The following NEMP2 variants were observed in gnomAD, a reference collection of about 807,000 sequenced individuals.
NEMP2 encodes the protein UPF0571 transmembrane protein.
In NEMP2, 53 loss-of-function variants were observed where a neutral mutation model predicts 54.2. The ratio of observed to expected loss-of-function variants is 0.98; its 90% CI spans 0.78 to 1.23. NEMP2 has a LOEUF of 1.23. NEMP2 is among the 50% of genes most tolerant of loss of function. NEMP2 has a pLI of 0.00. For synonymous variants in NEMP2, 197 were observed against 190.3 expected (o/e 1.04, Z -0.29); for missense variants, 455 against 511.3 (o/e 0.89, Z 1.06).
chr2:190,490,231 G>A, the NEMP2 span, among the ~76,000 whole-genome samples: 2 of 151,328 alleles, frequency 1.3e-5, no homozygotes, highest in African/African-American at 4.9e-5. The surrounding 1 kb of genome is among the most constrained non-coding windows in gnomAD (Gnocchi z 4.5). Flanking sequence ...GGGAGTGAGT[G>A]GTAATCTTCT....
chr2:190,437,487 A>G, the NEMP2 span: 1 of 1,614,216 alleles, frequency 6.2e-7, no homozygotes, highest in South Asian at 1.1e-5. This position sits in a 1 kb window ranked among gnomAD's most constrained non-coding sequence, Gnocchi z 5.9. Flanking sequence ...GGGTCTGTTC[A>G]GTCCTGAGTC....
At chr2:190,452,120 T>G in the NEMP2 span, among the ~76,000 whole-genome samples, 1 of 151,762 alleles carries the variant, frequency 6.6e-6, no homozygotes. Flanking sequence ...AATAGGTAAA[T>G]AATCTAGATG....
the NEMP2 span, among the ~76,000 whole-genome samples, chr2:190,605,339 G>A: frequency 4.3e-3 from 605 of 141,976 alleles, 7 homozygotes; most frequent in African/African-American, 0.015. Flanking sequence ...AATCTACCAC[G>A]TCTTTTTTTA....
At chr2:190,623,231 G>T in the NEMP2 span, among the ~76,000 whole-genome samples, 2 of 151,994 alleles carry the variant, frequency 1.3e-5, no homozygotes, top group Admixed American at 1.3e-4. Flanking sequence ...TCATTAAAAT[G>T]ACCATACCGC....
the NEMP2 span, among the ~76,000 whole-genome samples, chr2:190,633,267 T>C: frequency 6.6e-6 from 1 of 152,032 alleles, no homozygotes; most frequent in African/African-American, 2.4e-5. Context: ...AGTTTGAGAG[T>C]AATTCCTACT....
At chr2:190,552,256 G>A in the NEMP2 span, among the ~76,000 whole-genome samples, 1 of 152,204 alleles carries the variant, frequency 6.6e-6, no homozygotes, top group African/African-American at 2.4e-5. Flanking sequence ...TTCAGGTCTT[G>A]TGGCTGTTTG....
the NEMP2 span, among the ~76,000 whole-genome samples, chr2:190,631,058 T>C: frequency 1.3e-5 from 2 of 151,576 alleles, no homozygotes; most frequent in Middle Eastern, 3.2e-3. Context: ...AAAATGATAA[T>C]ACTACTTTGC....
the NEMP2 span, among the ~76,000 whole-genome samples, chr2:190,594,728 C>T: frequency 0.016 from 2,506 of 152,210 alleles, 69 homozygotes; most frequent in African/African-American, 0.057. The surrounding 1 kb of genome is among the most constrained non-coding windows in gnomAD (Gnocchi z 5.6). Context: ...CCAGTACACC[C>T]GGCTAATAAA....
chr2:190,515,143 T>C (rs1690508870), intron 6 of NEMP2, among the ~76,000 whole-genome samples: 1 of 152,228 alleles, frequency 6.6e-6, no homozygotes. Flanking sequence ...ATTCTGTGTC[T>C]CTGGGTATGA....
chr2:190,517,819 T>C (rs1690614068), intron 4 of NEMP2, among the ~76,000 whole-genome samples: 2 of 152,230 alleles, frequency 1.3e-5, no homozygotes, highest in Admixed American at 6.5e-5. Flanking sequence ...CAAAACAGAA[T>C]GTCTGAAGTA....
the NEMP2 span, among the ~76,000 whole-genome samples, chr2:190,542,173 G>T: frequency 6.6e-6 from 1 of 152,110 alleles, no homozygotes; most frequent in Non-Finnish European, 1.5e-5. The surrounding 1 kb of genome is among the most constrained non-coding windows in gnomAD (Gnocchi z 4.6). Flanking sequence ...TCTACCTCTT[G>T]CTCTTGCCCA....
At chr2:190,467,568 G>A in the NEMP2 span, among the ~76,000 whole-genome samples, 4 of 152,080 alleles carry the variant, frequency 2.6e-5, no homozygotes, top group Non-Finnish European at 4.4e-5. The surrounding 1 kb of genome is among the most constrained non-coding windows in gnomAD (Gnocchi z 5.5). Context: ...AGCCGAGATC[G>A]TGCCACTGCT....
Position 190,514,362 on chromosome 2 carries a change from G to A in NEMP2, c.953+91C>T. On this transcript the variant is annotated intron_variant, in intron 7 of 8. Transcript: ENST00000409150. This position sits in a 1 kb window ranked among gnomAD's most constrained non-coding sequence, Gnocchi z 5.7. ...AAATCTCCAGATCAAATGTAATTAT[G>A]AGATTAACATGATGTGTGCAAACAC... 6 of 1,182,228 alleles carry A rather than the reference G, an allele frequency of 5.1e-6. No homozygotes were observed. The highest frequency in any genetic ancestry group is 7.3e-6 in the Non-Finnish European group (6 of 821,506). 73.2% of individuals were successfully genotyped at this position (1,182,228 alleles called of 1,614,324 possible).
chr2:190,484,625 A>G, the NEMP2 span, among the ~76,000 whole-genome samples: 1 of 152,206 alleles, frequency 6.6e-6, no homozygotes, highest in African/African-American at 2.4e-5. Flanking sequence ...AGAGCTTCAG[A>G]TTATTAAGAT....
chr2:190,607,613 C>A, the NEMP2 span: 1 of 152,182 alleles, frequency 6.6e-6, no homozygotes, highest in East Asian at 1.9e-4. The surrounding 1 kb of genome is among the most constrained non-coding windows in gnomAD (Gnocchi z 5.2). Flanking sequence ...ACCAAAAGCA[C>A]ATCCAACCTT....
chr2:190,639,810 A>T, the NEMP2 span, among the ~76,000 whole-genome samples: 1 of 152,028 alleles, frequency 6.6e-6, no homozygotes, highest in Non-Finnish European at 1.5e-5. Context: ...CACCATGCCC[A>T]GCTAATTTTT....
chr2:190,530,894 A>C lies in NEMP2; in HGVS notation c.97+3665T>G, dbSNP rs561503100. ...CAAAACAACAACGGGCCAGGTGCTG[A>C]GGCTCATGCCTGTAATCCCAGCACT... On this transcript the variant is annotated intron_variant, in intron 1 of 8. Transcript: ENST00000409150. This position sits in a 1 kb window ranked among gnomAD's most constrained non-coding sequence, Gnocchi z 4.6. Among the ~76,000 whole-genome samples, 67 of 152,242 alleles carry C rather than the reference A, an allele frequency of 4.4e-4. No homozygotes were observed. Among genetic ancestry groups the C allele is most frequent in the African/African-American group, 1.6e-3 (65 of 41,546 alleles).
the NEMP2 span, among the ~76,000 whole-genome samples, chr2:190,583,664 C>T: frequency 6.6e-6 from 1 of 152,176 alleles, no homozygotes; most frequent in African/African-American, 2.4e-5. Flanking sequence ...AAGAGCAGAA[C>T]TGGACTTGGT....
downstream of NEMP2, chr2:190,500,699 A>G (rs1193008107): frequency 6.5e-6 from 1 of 153,836 alleles, no homozygotes; most frequent in Non-Finnish European, 1.4e-5. This position sits in a 1 kb window ranked among gnomAD's most constrained non-coding sequence, Gnocchi z 5.3. Context: ...AAATTACAAG[A>G]TATATTTAAA....
Sources: allele counts gnomAD v4.1 joint callset (sites outside exome capture counted in the v4.1 genomes callset), GRCh38; gene constraint gnomAD v4.1.1; non-coding constraint Gnocchi (gnomAD v3.1); transcripts MANE v1.5; gene names NCBI Gene and HGNC (gene_info 2026-07-23, HGNC 2026-07-21).